SELENOO: variants seen among roughly 807,000 people sequenced by gnomAD.
SELENOO encodes selenoprotein O, also known as protein adenylyltransferase SelO, mitochondrial.
A neutral mutation model predicts 58.7 loss-of-function variants in SELENOO; 74 were observed. That is an observed-to-expected ratio of 1.26 (90% CI 1.04 to 1.53). The LOEUF is 1.53. Among genes scored for constraint, SELENOO ranks in the 40% most tolerant of loss-of-function variants. The pLI is 0.00. For synonymous variants in SELENOO, 543 were observed against 453.2 expected, an observed-to-expected ratio of 1.20 and a Z score of -2.52; for missense variants, 1,149 against 970.0, an observed-to-expected ratio of 1.18 and a Z score of -2.45.
rs2064424217 is a variant in SELENOO, at chr22:50,217,196, A to T, written c.1846-9A>T. ...GCCCCAGACCCCTCTCACCCTCCTG[A>T]TCCTCCAGGTGCGGCGGGTGCTGAA... On this transcript the variant is annotated splice_polypyrimidine_tract_variant and intron_variant, in intron 8 of 8. Coordinates refer to ENST00000380903, the MANE Select transcript of SELENOO (RefSeq NM_031454.2). 21 of 1,611,916 alleles carry T rather than the reference A, an allele frequency of 1.3e-5. No individual in the cohort carries two copies. Among genetic ancestry groups the T allele is most frequent in the Non-Finnish European group, 1.8e-5 (21 of 1,179,182 alleles).
rs770266926 is a variant in SELENOO, at chr22:50,206,419, C to T, written c.657C>T (p.Cys219=). 3.5e-5 allele frequency: 57 copies of T among 1,614,050 alleles called. No homozygotes were observed. The East Asian group carries it at 1.0e-3, about 30-fold the overall frequency. The part of the protein sequence containing the change: ...LGVPTTRAGA[C]VTSESTVVRD... ...TCCCCACCACACGGGCCGGCGCCTG[C>T]GTCACGTCCGAGTCCACGGTGGTGC... Residue 219 remains cysteine (C), a synonymous_variant, in exon 2 of 9, where the codon TGC becomes TGT. Coordinates refer to ENST00000380903, the MANE Select transcript of SELENOO (RefSeq NM_031454.2).
At chr22:50,215,096 A>G (rs1014056717) in intron 5 of SELENOO, among the ~76,000 whole-genome samples, 8 of 152,086 alleles carry the variant, frequency 5.3e-5, no homozygotes, top group African/African-American at 1.9e-4. Context: ...TTTGTTTTTA[A>G]GACAGTCTTA....
chr22:50,202,146 G>A (rs1165152621), intron 1 of SELENOO, among the ~76,000 whole-genome samples: 3 of 152,224 alleles, frequency 2.0e-5, no homozygotes, highest in Non-Finnish European at 2.9e-5. Context: ...CAGCGCTTGG[G>A]TCTGTTCTGC....
intron 2 of SELENOO, among the ~76,000 whole-genome samples, chr22:50,207,891 G>A (rs1469018955): frequency 6.9e-6 from 1 of 145,884 alleles, no homozygotes; most frequent in Non-Finnish European, 1.5e-5. Flanking sequence ...GCCCCTCCGT[G>A]TGTAAGACCT....
intron 1 of SELENOO, among the ~76,000 whole-genome samples, chr22:50,204,038 T>G (rs1447655376): frequency 1.3e-5 from 2 of 152,210 alleles, no homozygotes; most frequent in African/African-American, 4.8e-5. Flanking sequence ...GAATAGACAT[T>G]TCTTCAAAGA....
At chr22:50,205,430 C>T (rs894533123) in intron 1 of SELENOO, among the ~76,000 whole-genome samples, 1 of 152,130 alleles carries the variant, frequency 6.6e-6, no homozygotes, top group African/African-American at 2.4e-5. Context: ...AAAAGTAAGA[C>T]AAGAATTAGC....
rs987033138 is a variant in SELENOO, at chr22:50,201,060, C to G, written c.24C>G (p.Leu8=). Reference sequence around the variant, plus strand: ...GGATGGCCGTATACAGGGCAGCGCTCGGGGCTTCGCTCGCGGCTGCCCGAC... The same window carrying G: ...GGATGGCCGTATACAGGGCAGCGCTGGGGGCTTCGCTCGCGGCTGCCCGAC... MAVYRAA[L]GASLAAARLL... The change falls in exon 1 of 9, where the codon CTC becomes CTG. Residue 8 remains leucine, a synonymous_variant. Transcript: ENST00000380903. 8.9e-6 allele frequency: 12 copies of G among 1,354,648 alleles called. No homozygotes were observed. Among genetic ancestry groups the G allele is most frequent in the Admixed American group, 3.2e-5 (1 of 31,078 alleles). The allele number at this position is 1,354,648 out of a possible 1,614,324, so 83.9% of individuals were successfully genotyped here.
rs753793332 is a variant in SELENOO, at chr22:50,201,446, C to T, written c.410C>T (p.Ala137Val). 3.3e-4 allele frequency: 464 copies of T among 1,396,080 alleles called. No individual in the cohort carries two copies. Among genetic ancestry groups the T allele is most frequent in the Non-Finnish European group, 4.0e-4 (426 of 1,069,894 alleles). 86.5% of individuals were successfully genotyped at this position (1,396,080 alleles called of 1,614,324 possible). ...NALLPGAEPA[A>V]HCYCGHQFGQ... ...CTCCTGCCGGGCGCCGAGCCCGCCGCGCACTGCTACTGCGGCCACCAATTC... is the reference window on the plus strand; with the variant it reads ...CTCCTGCCGGGCGCCGAGCCCGCCGTGCACTGCTACTGCGGCCACCAATTC... The change falls in exon 1 of 9, where the codon GCG (alanine) becomes GTG (valine). Residue 137 changes from alanine (A) to valine (V), a missense_variant. Ala to Val is a moderately conservative substitution (Grantham distance 64, BLOSUM62 0). Coordinates refer to ENST00000380903, the MANE Select transcript of SELENOO (RefSeq NM_031454.2).
intron 5 of SELENOO, among the ~76,000 whole-genome samples, chr22:50,215,207 A>C (rs1055924229): frequency 6.6e-6 from 1 of 152,092 alleles, no homozygotes; most frequent in Non-Finnish European, 1.5e-5. Flanking sequence ...GCAGCTTCTC[A>C]ACACTCGCTA....
At chr22:50,216,273 C>T (rs894075648) in intron 6 of SELENOO, among the ~76,000 whole-genome samples, 7 of 152,230 alleles carry the variant, frequency 4.6e-5, no homozygotes, top group Non-Finnish European at 8.8e-5. Flanking sequence ...AAAACAAGAC[C>T]AGTGGGGTTG....
intron 5 of SELENOO, among the ~76,000 whole-genome samples, chr22:50,214,377 T>C (rs1157234513): frequency 6.6e-6 from 1 of 152,138 alleles, no homozygotes; most frequent in Non-Finnish European, 1.5e-5. Context: ...CCCAACACTT[T>C]GGGAGGCCGA....
rs572041008 is a variant in SELENOO, at chr22:50,204,767, T to A, written c.555-1550T>A. ...TCAAATAATTAAATCACCACATGAT[T>A]CAGCAGTTCTGCTTCTGGGTATATC... On this transcript the variant is annotated intron_variant, in intron 1 of 8. Transcript: ENST00000380903. 6.6e-5 allele frequency among the ~76,000 whole-genome samples: 10 copies of A among 152,370 alleles called. No homozygotes were observed. In the South Asian group the frequency reaches 2.1e-3, roughly 32 times the overall value.
At chr22:50,216,558 C>G (rs1200303319) in intron 6 of SELENOO, 133 bp from the exon 7 acceptor site, 1 of 826,262 alleles carries the variant, frequency 1.2e-6, no homozygotes, top group Non-Finnish European at 1.9e-6. Context: ...TTCCAGGGAC[C>G]TCGGGGACCG....
chr22:50,204,929 C>A (rs1443976998), intron 1 of SELENOO, among the ~76,000 whole-genome samples: 2 of 152,228 alleles, frequency 1.3e-5, no homozygotes, highest in Admixed American at 1.3e-4. Context: ...AAAGAAGATG[C>A]TGATATGCTA....
chr22:50,211,718 T>C (rs1208377550), intron 5 of SELENOO, among the ~76,000 whole-genome samples: 1 of 152,256 alleles, frequency 6.6e-6, no homozygotes, highest in Non-Finnish European at 1.5e-5. Flanking sequence ...TTTAATATTT[T>C]TTGAGACGGA....
chr22:50,201,179 T>C lies in SELENOO; in HGVS notation c.143T>C (p.Leu48Pro), dbSNP rs2064296266. Residue 48 changes from leucine to proline, a missense_variant, in exon 1 of 9, where the codon CTG (leucine) becomes CCG (proline). Coordinates refer to ENST00000380903, the MANE Select transcript of SELENOO (RefSeq NM_031454.2). ...MEPAPRWLAG[L>P]RFDNRALRAL... Reference sequence around the variant, plus strand: ...CCCGCGCCTCGCTGGCTGGCGGGGCTGCGCTTCGACAACCGCGCCCTGCGC... The same window carrying C: ...CCCGCGCCTCGCTGGCTGGCGGGGCCGCGCTTCGACAACCGCGCCCTGCGC... 7 of 1,235,212 alleles carry C rather than the reference T, an allele frequency of 5.7e-6. No homozygotes were observed. Among genetic ancestry groups the C allele is most frequent in the Non-Finnish European group, 7.1e-6 (7 of 988,396 alleles). 76.5% of individuals were successfully genotyped at this position (1,235,212 alleles called of 1,614,324 possible). A position where few individuals can be genotyped will look rare whatever the true frequency, so the allele number is the denominator to read the frequency against.
chr22:50,210,327 G>T lies in SELENOO; in HGVS notation c.1070+16G>T, dbSNP rs755468555. On this transcript the variant is annotated intron_variant, in intron 4 of 8. Coordinates refer to ENST00000380903, the MANE Select transcript of SELENOO (RefSeq NM_031454.2). Reference sequence around the variant, plus strand: ...TCCTGGACAGGTAAGTGGCCCTGGGGCCCAGCAAAGTGCAGGCCCCAGGGC... The same window carrying T: ...TCCTGGACAGGTAAGTGGCCCTGGGTCCCAGCAAAGTGCAGGCCCCAGGGC... The T allele has an allele frequency of 1.9e-6, 3 of 1,611,896 alleles. No homozygotes were observed. The highest frequency in any genetic ancestry group is 2.5e-6 in the Non-Finnish European group (3 of 1,179,552).
chr22:50,210,349 G>A (rs1167276887), intron 4 of SELENOO, 38 bp downstream of exon 4: 2 of 1,597,304 alleles, frequency 1.3e-6, no homozygotes, highest in African/African-American at 2.7e-5. Context: ...GCAGGCCCCA[G>A]GGCTGGGGGG....
At chr22:50,203,750 A>G (rs1049103782) in intron 1 of SELENOO, among the ~76,000 whole-genome samples, 2 of 152,254 alleles carry the variant, frequency 1.3e-5, no homozygotes, top group African/African-American at 4.8e-5. Context: ...TAAAACTCCT[A>G]GAGAAAATAG....
Sources: gnomAD v4.1 joint callset for allele counts (sites outside exome capture counted in the v4.1 genomes callset) on GRCh38, gnomAD v4.1.1 for gene constraint, MANE v1.5 for transcripts, NCBI Gene and HGNC (gene_info 2026-07-23, HGNC 2026-07-21) for gene names.